Variants in ACYP2 observed in about 807,000 individuals in gnomAD.
The protein encoded by ACYP2 is acylphosphatase 2, also known as acylphosphatase-2.
A neutral mutation model predicts 11.2 loss-of-function variants in ACYP2; 12 were observed. The ratio of observed to expected loss-of-function variants is 1.08; its 90% CI spans 0.69 to 1.74. ACYP2 has a LOEUF of 1.74. Among genes scored for constraint, ACYP2 ranks in the 40% most tolerant of loss-of-function variants. ACYP2 has a pLI of 0.00. For missense variants in ACYP2, 134 were observed against 101.9 expected (o/e 1.31, Z -1.35); for synonymous variants, 43 against 32.2 (o/e 1.33, Z -1.13).
chr2:54,235,969 A>C (rs1686459854), intron 6 of ACYP2, among the ~76,000 whole-genome samples: 1 of 152,100 alleles, frequency 6.6e-6, no homozygotes, highest in Non-Finnish European at 1.5e-5. Flanking sequence ...TTATAAATTT[A>C]TTCATCATTT....
intron 2 of ACYP2, among the ~76,000 whole-genome samples, chr2:53,997,467 G>A (rs151206456): frequency 2.6e-5 from 4 of 152,060 alleles, no homozygotes; most frequent in East Asian, 3.9e-4. Context: ...CACCAAGCCC[G>A]GCTAATTTTT....
At chr2:54,297,603 AGT>A (rs1689571791) in intron 6 of ACYP2, among the ~76,000 whole-genome samples, 1 of 152,168 alleles carries the variant, frequency 6.6e-6, no homozygotes, top group Admixed American at 6.5e-5. Context: ...AAATACATGG[AGT>A]GGTTTACTGG....
intron 6 of ACYP2, among the ~76,000 whole-genome samples, chr2:54,168,789 G>A (rs938022040): frequency 6.6e-6 from 1 of 152,178 alleles, no homozygotes; most frequent in Non-Finnish European, 1.5e-5. Context: ...ACTGTAGAGG[G>A]TGTATTATAG....
chr2:54,224,131 T>G (rs1443154919), intron 6 of ACYP2, among the ~76,000 whole-genome samples: 3 of 152,120 alleles, frequency 2.0e-5, no homozygotes, highest in African/African-American at 4.8e-5. Context: ...TAGATCAAAT[T>G]ATTTTGATGT....
At chr2:54,057,481 G>A (rs1463820537) in intron 4 of ACYP2, 1 of 388,566 alleles carries the variant, frequency 2.6e-6, no homozygotes, top group African/African-American at 2.1e-5. Context: ...GACATTTTGA[G>A]GGAAAAAGTG....
intron 3 of ACYP2, among the ~76,000 whole-genome samples, chr2:54,057,033 A>G (rs1477990373): frequency 6.6e-6 from 1 of 152,194 alleles, no homozygotes; most frequent in Non-Finnish European, 1.5e-5. Flanking sequence ...AATTATAGCT[A>G]TTATCCCAAT....
chr2:54,167,163 T>C (rs923792932), intron 6 of ACYP2, among the ~76,000 whole-genome samples: 1 of 152,224 alleles, frequency 6.6e-6, no homozygotes, highest in African/African-American at 2.4e-5. Context: ...GTATCACCAC[T>C]CATTTCCTCA....
intron 2 of ACYP2, among the ~76,000 whole-genome samples, chr2:54,030,326 A>T (rs1027488601): frequency 3.9e-5 from 6 of 152,192 alleles, no homozygotes; most frequent in Non-Finnish European, 8.8e-5. Flanking sequence ...GACTCCTGGC[A>T]CAAGGAATGT....
chr2:54,159,401 TCTGA>T (rs967537408), intron 6 of ACYP2, among the ~76,000 whole-genome samples: 8 of 148,858 alleles, frequency 5.4e-5, no homozygotes, highest in African/African-American at 1.7e-4. Flanking sequence ...TGAGACAGGG[TCTGA>T]CTATGTTGCA....
rs536750975 is a variant in ACYP2 at position 54,255,616 on chromosome 2, G to A, written c.405-49072G>A. ...TGCCTCCCTGTTTACCTCATCTATT[G>A]CTCTGTTTTCTTCCGCCACGTCCAT... On this transcript the variant is annotated intron_variant, in intron 6 of 6. Transcript: ENST00000607452. 26 of 1,613,446 alleles carry A rather than the reference G, an allele frequency of 1.6e-5. 1 individual carries two copies. In the East Asian group the frequency reaches 4.9e-4, roughly 30 times the overall value.
intron 4 of ACYP2, among the ~76,000 whole-genome samples, chr2:54,071,167 C>G (rs1395042052): frequency 3.3e-5 from 5 of 152,014 alleles, no homozygotes; most frequent in African/African-American, 7.2e-5. Context: ...ACAAAAAACC[C>G]ACAGATAACA....
At chr2:54,285,460 C>T (rs979942283) in intron 6 of ACYP2, among the ~76,000 whole-genome samples, 1 of 152,156 alleles carries the variant, frequency 6.6e-6, no homozygotes, top group African/African-American at 2.4e-5. Flanking sequence ...AATCAGTTCC[C>T]AATTTATAAT....
chr2:54,238,788 T>C (rs1160231016), intron 6 of ACYP2, among the ~76,000 whole-genome samples: 7 of 152,012 alleles, frequency 4.6e-5, no homozygotes, highest in African/African-American at 1.7e-4. Context: ...ATAAAATTAT[T>C]GTGATTGCAC....
rs1684327017 is a variant in ACYP2 at position 54,193,522 on chromosome 2, G to C, written c.404+54774G>C. 2.6e-5 allele frequency among the ~76,000 whole-genome samples: 4 copies of C among 152,038 alleles called. No individual in the cohort carries two copies. In the East Asian group the frequency reaches 7.7e-4, roughly 29 times the overall value. On this transcript the variant is annotated intron_variant, in intron 6 of 6. Transcript: ENST00000607452. The stretch of plus-strand genomic sequence containing the variant: ...CTTGAATTGGCACACACTTAGTCGT[G>C]ACAAGTACTCAAAAGATAAAATAAA...
chr2:54,009,135 A>T (rs929578912), intron 2 of ACYP2, among the ~76,000 whole-genome samples: 15 of 151,702 alleles, frequency 9.9e-5, no homozygotes, highest in African/African-American at 3.6e-4. Flanking sequence ...TCTGGGCAAC[A>T]GAGCAAGACT....
chr2:53,980,434 G>A (rs1381880068), intron 2 of ACYP2, among the ~76,000 whole-genome samples: 1 of 151,516 alleles, frequency 6.6e-6, no homozygotes, highest in African/African-American at 2.4e-5. Flanking sequence ...AGAAAATATT[G>A]AGTCCAGGAG....
intron 2 of ACYP2, among the ~76,000 whole-genome samples, chr2:53,989,262 G>C (rs1399106030): frequency 7.1e-6 from 1 of 141,210 alleles, no homozygotes; most frequent in South Asian, 2.3e-4. Context: ...CAAAAAGTCA[G>C]ATTGGTAGAC....
At chr2:54,138,884 C>G (rs1012614807) in intron 6 of ACYP2, 136 bp downstream of exon 3, 2 of 687,006 alleles carry the variant, frequency 2.9e-6, no homozygotes, top group Non-Finnish European at 2.5e-6. Flanking sequence ...CCTCTGCCTT[C>G]CAGGCTCAGA....
At chr2:54,260,691 TGC>T (rs1687740321) in intron 6 of ACYP2, among the ~76,000 whole-genome samples, 3 of 152,150 alleles carry the variant, frequency 2.0e-5, no homozygotes, top group Admixed American at 2.0e-4. Flanking sequence ...GAGAATGACC[TGC>T]AAGGGATTAG....
Sources: gnomAD v4.1 joint callset for allele counts (sites outside exome capture counted in the v4.1 genomes callset) on GRCh38, gnomAD v4.1.1 for gene constraint, MANE v1.5 for transcripts, NCBI Gene and HGNC (gene_info 2026-07-23, HGNC 2026-07-21) for gene names.